KLHL33: variants seen among roughly 807,000 people sequenced by gnomAD.
KLHL33 encodes the protein kelch-like protein 33.
In KLHL33, 46 loss-of-function variants were observed where a neutral mutation model predicts 60.8. That is an observed-to-expected ratio of 0.76 (90% CI 0.60 to 0.97). KLHL33 has a LOEUF of 0.97. Ranked by LOEUF, KLHL33 falls within the 50% of genes least tolerant of loss-of-function variation. KLHL33 has a pLI of 0.00. For synonymous variants in KLHL33, 434 were observed against 432.2 expected, an observed-to-expected ratio of 1.00 and a Z score of -0.05; for missense variants, 1,055 against 1,000.0, an observed-to-expected ratio of 1.05 and a Z score of -0.74.
rs573801606 is a variant in KLHL33 at position 20,430,708 on chromosome 14, C to T, written c.760G>A (p.Ala254Thr). Residue 254 changes from alanine to threonine, a missense_variant, in exon 3 of 5, where the codon GCC (alanine) becomes ACC (threonine). Physicochemically the swap from Ala to Thr is moderately conservative, Grantham distance 58. Coordinates refer to ENST00000636854, the MANE Select transcript of KLHL33 (RefSeq NM_001365790.2). ...GGCQLSVHRA[A>T]LACGSEFFGA... is the part of the protein sequence containing the mutation. ...AAGAACTCACTGCCACAGGCCAGGGCGGCTCGGTGCACTGCAGGAGGGGAG... is the reference window on the plus strand; with the variant it reads ...AAGAACTCACTGCCACAGGCCAGGGTGGCTCGGTGCACTGCAGGAGGGGAG... 44 of 1,517,886 alleles carry T rather than the reference C, an allele frequency of 2.9e-5. No individual in the cohort carries two copies. The Admixed American group carries it at 3.8e-4, about 13-fold the overall frequency. 94.0% of individuals were successfully genotyped at this position (1,517,886 alleles called of 1,614,324 possible). A position where few individuals can be genotyped will look rare whatever the true frequency, so the allele number is the denominator to read the frequency against.
rs1016763015 is a variant in KLHL33 at position 20,435,755 on chromosome 14, G to C, written c.57C>G (p.Pro19=). 1.4e-5 allele frequency: 17 copies of C among 1,234,332 alleles called. No homozygotes were observed. The highest frequency in any genetic ancestry group is 1.7e-5 in the Non-Finnish European group (17 of 988,230). The allele number at this position is 1,234,332 out of a possible 1,614,324, so 76.5% of individuals were successfully genotyped here. A position where few individuals can be genotyped will look rare whatever the true frequency, so the allele number is the denominator to read the frequency against. ...YPPELESVSH[P]VQRDCLGLLV... ...GGAGTCCAAGGCAGTCCCTCTGGAC[G>C]GGATGAGAGACACTCTCCAGCTCAG... Residue 19 remains proline (P), a synonymous_variant, in exon 2 of 5, where the codon CCC becomes CCG. Coordinates refer to ENST00000636854, the MANE Select transcript of KLHL33 (RefSeq NM_001365790.2).
Position 20,429,807 on chromosome 14 carries a change from G to A in KLHL33, c.1661C>T (p.Ala554Val). 6.5e-7 allele frequency: 1 copy of A among 1,537,168 alleles called. No homozygotes were observed. The highest frequency in any genetic ancestry group is 8.8e-7 in the Non-Finnish European group (1 of 1,138,860). ...QDFYSHSNTLASTLRWEPSQE... is the reference protein window; with the variant it reads ...QDFYSHSNTLVSTLRWEPSQE... ...TAGAAGCTTATACCTGAGAGTTGAA[G>A]CCAGGGTGTTGGAGTGACTGTAGAA... Residue 554 changes from alanine (A) to valine (V), a missense_variant, in exon 3 of 5, where the codon GCT (alanine) becomes GTT (valine). Physicochemically the swap from Ala to Val is moderately conservative, Grantham distance 64. Transcript: ENST00000636854.
rs1406851732 is a variant in KLHL33, at chr14:20,430,124, CA to C, written c.1343del (p.Leu448ArgfsTer9). On this transcript the variant is annotated frameshift_variant, in exon 3 of 5. Coordinates refer to ENST00000636854, the MANE Select transcript of KLHL33 (RefSeq NM_001365790.2). LOFTEE classifies it high-confidence loss of function. ...RVRAAGLLPP[L>X]TPDLLHQLMV... ...TCAGCTGGTGCAACAGATCTGGGGT[CA>C]GGGGTGGAAGTAGCCCGGCTGCCCG... is the stretch of plus-strand genomic sequence containing the variant. The C allele has an allele frequency of 3.2e-6, 5 of 1,551,650 alleles. No homozygotes were observed. The highest frequency in any genetic ancestry group is 2.6e-6 in the Non-Finnish European group (3 of 1,147,000).
intron 2 of KLHL33, among the ~76,000 whole-genome samples, chr14:20,432,926 A>AAAAAAAAGAAAG (rs1555330502): frequency 2.9e-5 from 3 of 104,744 alleles, no homozygotes; most frequent in Admixed American, 2.4e-4. Context: ...CATCTCAAAA[A>AAAAAAAAGAAAG]AAAGAAAGAA....
At position 20,426,169 on chromosome 14, in the gene KLHL33, A is replaced by G. The variant is rs1480194908; in HGVS notation, c.*2680T>C. ...CAAGGGAGACTCCATCATCACCCTT[A>G]GAAACATGAAAATCTTAATAAACAA... On this transcript the variant is annotated 3_prime_UTR_variant, in exon 5 of 5. Transcript: ENST00000636854. The G allele has an allele frequency of 6.6e-6, 1 of 152,192 alleles. No homozygotes were observed. The highest frequency in any genetic ancestry group is 2.4e-5 in the African/African-American group (1 of 41,450). 9.4% of individuals were successfully genotyped at this position (152,192 alleles called of 1,614,324 possible). A position where few individuals can be genotyped will look rare whatever the true frequency, so the allele number is the denominator to read the frequency against.
chr14:20,429,768 A>T (rs1880428720), intron 3 of KLHL33, 27 bp downstream of exon 3: 3 of 1,522,168 alleles, frequency 2.0e-6, no homozygotes, highest in Admixed American at 4.2e-5. Context: ...GGCCTGCCAC[A>T]CCCTGCCCAC....
chr14:20,436,012 C>T lies in KLHL33; in HGVS notation c.-20+87G>A, dbSNP rs546324249. 9.1e-4 allele frequency: 371 copies of T among 405,746 alleles called. 3 individuals are homozygous for T. Among genetic ancestry groups the T allele is most frequent in the African/African-American group, 7.0e-3 (342 of 48,864 alleles). The allele number at this position is 405,746 out of a possible 1,614,324, so 25.1% of individuals were successfully genotyped here. ...ATACAGGACAGCTATAGGGTGCACG[C>T]GGTGCAGTGAAACATGCAAGAAGCC... On this transcript the variant is annotated intron_variant, in intron 1 of 4. Transcript: ENST00000636854.
rs571740568 is a variant in KLHL33, at chr14:20,427,762, A to C, written c.*1087T>G. 6.6e-6 allele frequency: 1 copy of C among 152,278 alleles called. No individual in the cohort carries two copies. Among genetic ancestry groups the C allele is most frequent in the East Asian group, 1.9e-4 (1 of 5,200 alleles). 9.4% of individuals were successfully genotyped at this position (152,278 alleles called of 1,614,324 possible). A position where few individuals can be genotyped will look rare whatever the true frequency, so the allele number is the denominator to read the frequency against. On this transcript the variant is annotated 3_prime_UTR_variant, in exon 5 of 5. Coordinates refer to ENST00000636854, the MANE Select transcript of KLHL33 (RefSeq NM_001365790.2). ...GTGCCTGCCACACAGTAGGTAATTA[A>C]TAACTGTGTGAGGGAGAAAGAAGAG...
chr14:20,429,403 T>C lies in KLHL33; in HGVS notation c.1842-2A>G, dbSNP rs1391578013. 6.4e-7 allele frequency: 1 copy of C among 1,551,404 alleles called. No individual in the cohort carries two copies. Among genetic ancestry groups the C allele is most frequent in the Non-Finnish European group, 8.7e-7 (1 of 1,146,772 alleles). On this transcript the variant is annotated splice_acceptor_variant, in intron 4 of 4. Transcript: ENST00000636854. LOFTEE classifies it high-confidence loss of function. ...GGTGCTGGAAGTGCAGGTGCTGGCCTAAGGGAGAACAGGACACAAGATAAG... is the reference window on the plus strand; with the variant it reads ...GGTGCTGGAAGTGCAGGTGCTGGCCCAAGGGAGAACAGGACACAAGATAAG...
chr14:20,431,790 T>C (rs1880517303), intron 2 of KLHL33, among the ~76,000 whole-genome samples: 1 of 152,214 alleles, frequency 6.6e-6, no homozygotes, highest in African/African-American at 2.4e-5. Flanking sequence ...GTGATTTATT[T>C]TTCATTTCCA....
rs766135630 is a variant in KLHL33 at position 20,430,231 on chromosome 14, C to T, written c.1237G>A (p.Glu413Lys). 113 of 1,551,446 alleles carry T rather than the reference C, an allele frequency of 7.3e-5. No individual in the cohort carries two copies. Among genetic ancestry groups the T allele is most frequent in the East Asian group, 2.4e-4 (10 of 40,936 alleles). Residue 413 changes from glutamate to lysine, a missense_variant, in exon 3 of 5, where the codon GAG (glutamate) becomes AAG (lysine). By Grantham distance (56) the Glu-to-Lys change is moderately conservative (BLOSUM62 1). Transcript: ENST00000636854. ...AARCWLAANP[E>K]TQESEAKALL... ...GCCTTGGCCTCTGACTCCTGGGTCT[C>T]GGGGTTGGCAGCCAGCCAACACCGT...
rs1880426014 is a variant in KLHL33 at position 20,429,675 on chromosome 14, C to T, written c.1674-6G>A. The T allele has an allele frequency of 1.3e-6, 2 of 1,549,952 alleles. No individual in the cohort carries two copies. Among genetic ancestry groups the T allele is most frequent in the South Asian group, 1.2e-5 (1 of 83,980 alleles). On this transcript the variant is annotated splice_polypyrimidine_tract_variant and splice_region_variant and intron_variant, in intron 3 of 4. Coordinates refer to ENST00000636854, the MANE Select transcript of KLHL33 (RefSeq NM_001365790.2). ...CCTCTTGACTGGGCTCCCACCTGGA[C>T]ACAGTAGGACAAGAGATTGGAAGAG...
Position 20,430,673 on chromosome 14 carries a change from C to G in KLHL33, c.795G>C (p.Met265Ile). The change falls in exon 3 of 5, where the codon ATG becomes ATC. Residue 265 changes from methionine (M) to isoleucine (I), a missense_variant. Physicochemically the swap from Met to Ile is conservative, Grantham distance 10 (BLOSUM62 1). Coordinates refer to ENST00000636854, the MANE Select transcript of KLHL33 (RefSeq NM_001365790.2). ...LACGSEFFGA[M>I]LLSGMRESQG... ...GGGATTCCCTCATCCCGCTCAGGAG[C>G]ATGGCCCCAAAGAACTCACTGCCAC... 6.5e-7 allele frequency: 1 copy of G among 1,533,602 alleles called. No homozygotes were observed. Among genetic ancestry groups the G allele is most frequent in the Non-Finnish European group, 8.7e-7 (1 of 1,145,822 alleles). 95.0% of individuals were successfully genotyped at this position (1,533,602 alleles called of 1,614,324 possible).
rs1880384860 is a variant in KLHL33, at chr14:20,428,969, C to T, written c.2274G>A (p.Trp758Ter). 6.4e-7 allele frequency: 1 copy of T among 1,551,616 alleles called. No homozygotes were observed. Among genetic ancestry groups the T allele is most frequent in the South Asian group, 1.2e-5 (1 of 84,068 alleles). The change falls in exon 5 of 5, where the codon TGG (tryptophan) becomes TGA (stop). Residue 758 changes from tryptophan (W) to a stop codon, truncating the protein, a stop_gained. Transcript: ENST00000636854. LOFTEE classifies it high-confidence loss of function. ...IHAYCPGLGR[W>*]LCLGTLPRPR... ...GCCTTGGCAGAGTTCCCAGGCAGAG[C>T]CATCGGCCCAGGCCAGGACAGTAGG...
In KLHL33 at chr14:20,435,405, C is replaced by G. The variant is rs1001676263; in HGVS notation, c.407G>C (p.Ser136Thr). Residue 136 changes from serine to threonine, a missense_variant, in exon 2 of 5, where the codon AGC becomes ACC. Coordinates refer to ENST00000636854, the MANE Select transcript of KLHL33 (RefSeq NM_001365790.2). ...GCCCAGCAGCCTGTCTCGGAAGAGG[C>G]TGCTGATTGCGGCCAGGATCACCCG... ...VHRVILAAIS[S>T]LFRDRLLGGG... The G allele has an allele frequency of 8.1e-6, 10 of 1,234,260 alleles. No individual in the cohort carries two copies. In the South Asian group the frequency reaches 2.5e-4, roughly 30 times the overall value. 76.5% of individuals were successfully genotyped at this position (1,234,260 alleles called of 1,614,324 possible).
chr14:20,427,498 A>G lies in KLHL33; in HGVS notation c.*1351T>C, dbSNP rs980789116. On this transcript the variant is annotated 3_prime_UTR_variant, in exon 5 of 5. Coordinates refer to ENST00000636854, the MANE Select transcript of KLHL33 (RefSeq NM_001365790.2). Reference sequence around the variant, plus strand: ...GCATGCCCCACTTCTTTCTGTTTCAAATGCATTCCCCCTTCTCTAATGGGT... The same window carrying G: ...GCATGCCCCACTTCTTTCTGTTTCAGATGCATTCCCCCTTCTCTAATGGGT... The G allele has an allele frequency of 1.3e-5, 2 of 152,182 alleles. No individual in the cohort carries two copies. The highest frequency in any genetic ancestry group is 4.8e-5 in the African/African-American group (2 of 41,446). 9.4% of individuals were successfully genotyped at this position (152,182 alleles called of 1,614,324 possible).
chr14:20,430,085 A>G lies in KLHL33; in HGVS notation c.1383T>C (p.Asp461=), dbSNP rs1257319708. The G allele has an allele frequency of 5.2e-6, 8 of 1,551,734 alleles. No individual in the cohort carries two copies. Among genetic ancestry groups the G allele is most frequent in the East Asian group, 2.4e-5 (1 of 40,928 alleles). Residue 461 remains aspartate (D), a synonymous_variant, in exon 3 of 5, where the codon GAT becomes GAC. Transcript: ENST00000636854. The part of the protein sequence containing the change: ...DLLHQLMVEA[D]VPGQERRREP... ...CCCTCCGTCTCTCTTGGCCTGGAAC[A>G]TCAGCCTCTACCATCAGCTGGTGCA...
At position 20,426,983 on chromosome 14, in the gene KLHL33, T is replaced by A. The variant is rs1254113010; in HGVS notation, c.*1866A>T. ...TCACTCATAGGTGGGAATTGAACAA[T>A]GAGAACACGTGGACACAGGAAGGGG... On this transcript the variant is annotated 3_prime_UTR_variant, in exon 5 of 5. Coordinates refer to ENST00000636854, the MANE Select transcript of KLHL33 (RefSeq NM_001365790.2). 7.9e-6 allele frequency: 1 copy of A among 125,896 alleles called. No individual in the cohort carries two copies. The highest frequency in any genetic ancestry group is 3.1e-5 in the African/African-American group (1 of 32,360). The allele number at this position is 125,896 out of a possible 1,614,324, so 7.8% of individuals were successfully genotyped here.
chr14:20,432,964 A>AAGAAAGAAAGAAAGAG (rs1880564856), intron 2 of KLHL33, among the ~76,000 whole-genome samples: 9 of 151,550 alleles, frequency 5.9e-5, no homozygotes, highest in African/African-American at 2.2e-4. Flanking sequence ...GAAAGAAAGA[A>AAGAAAGAAAGAAAGAG]AGAAAGAAAG....
Sources: gnomAD v4.1 joint callset for allele counts (sites outside exome capture counted in the v4.1 genomes callset) on GRCh38, gnomAD v4.1.1 for gene constraint, MANE v1.5 for transcripts, NCBI Gene and HGNC (gene_info 2026-07-23, HGNC 2026-07-21) for gene names.